GALNT8: variants seen among roughly 807,000 people sequenced by gnomAD.
GALNT8 encodes the protein polypeptide N-acetylgalactosaminyltransferase 8, also known as probable polypeptide N-acetylgalactosaminyltransferase 8.
Under a neutral mutation model 62.7 loss-of-function variants are expected in GALNT8, and 66 were observed. The observed-to-expected ratio is 1.05, with a 90% CI of 0.86 to 1.29. The LOEUF is 1.29. GALNT8 is among the 50% of genes most tolerant of loss of function. The probability of loss-of-function intolerance (pLI) is 0.00; values close to 1 mark genes in which losing one functional copy is unlikely to be tolerated. For synonymous variants in GALNT8, 288 were observed against 294.3 expected (o/e 0.98, Z 0.22); for missense variants, 771 against 791.8 (o/e 0.97, Z 0.32).
At chr12:4,731,116 G>A (rs1479702116) in intron 2 of GALNT8, among the ~76,000 whole-genome samples, 8 of 152,096 alleles carry the variant, frequency 5.3e-5, no homozygotes, top group South Asian at 2.1e-4. Context: ...GATTACAAGC[G>A]TGAGCCACCG....
chr12:4,772,433 C>T lies in GALNT8; in HGVS notation c.1762-12C>T, dbSNP rs1414299361. ...ATTTCAGCACCTTGGCTCTGTCTCTCTTCCCCTCCAGGGAGGAGCTGTCAT... is the reference window on the plus strand; with the variant it reads ...ATTTCAGCACCTTGGCTCTGTCTCTTTTCCCCTCCAGGGAGGAGCTGTCAT... On this transcript the variant is annotated splice_polypyrimidine_tract_variant and intron_variant, in intron 10 of 10. Coordinates refer to ENST00000252318, the MANE Select transcript of GALNT8 (RefSeq NM_017417.2). 3 of 1,612,102 alleles carry T rather than the reference C, an allele frequency of 1.9e-6. No homozygotes were observed. The highest frequency in any genetic ancestry group is 1.3e-5 in the African/African-American group (1 of 74,912).
intron 6 of GALNT8, among the ~76,000 whole-genome samples, chr12:4,751,435 A>G (rs113440709): frequency 1.2e-4 from 19 of 152,178 alleles, no homozygotes; most frequent in African/African-American, 4.1e-4. Context: ...GCTATATTCC[A>G]TAGGTTTTGG....
At chr12:4,727,963 A>G (rs1946204048) in intron 2 of GALNT8, among the ~76,000 whole-genome samples, 1 of 152,308 alleles carries the variant, frequency 6.6e-6, no homozygotes, top group South Asian at 2.1e-4. Context: ...AAGTGACTCC[A>G]TCATTTAACA....
At chr12:4,724,234 C>T (rs1946184666) in intron 1 of GALNT8, among the ~76,000 whole-genome samples, 1 of 143,632 alleles carries the variant, frequency 7.0e-6, no homozygotes, top group Admixed American at 7.0e-5. Flanking sequence ...CAAATGCAAA[C>T]AATAATAATT....
At position 4,772,628 on chromosome 12, in the gene GALNT8, A is replaced by G. The variant is rs71579272; in HGVS notation, c.*31A>G. The G allele has an allele frequency of 6.3e-4, 985 of 1,565,194 alleles. 7 individuals carry two copies. The African/African-American group carries it at 0.011, about 18-fold the overall frequency. ...AGATGGTGCTGGATCTGGGTCATCAATTCTTGCAAGTGGAATGGCTTCTAC... is the reference window on the plus strand; with the variant it reads ...AGATGGTGCTGGATCTGGGTCATCAGTTCTTGCAAGTGGAATGGCTTCTAC... On this transcript the variant is annotated 3_prime_UTR_variant, in exon 11 of 11. Transcript: ENST00000252318.
rs1295705057 is a variant in GALNT8, at chr12:4,772,701, T to C, written c.*104T>C. Reference sequence around the variant, plus strand: ...CTCAATGAGAAAGAAAGCATGTGTATGTCTGTTTATGGCGACTTCAGGTGG... The same window carrying C: ...CTCAATGAGAAAGAAAGCATGTGTACGTCTGTTTATGGCGACTTCAGGTGG... On this transcript the variant is annotated 3_prime_UTR_variant, in exon 11 of 11. Coordinates refer to ENST00000252318, the MANE Select transcript of GALNT8 (RefSeq NM_017417.2). 2.2e-6 allele frequency: 2 copies of C among 907,996 alleles called. No individual in the cohort carries two copies. Among genetic ancestry groups the C allele is most frequent in the Non-Finnish European group, 3.4e-6 (2 of 588,940 alleles). 56.2% of individuals were successfully genotyped at this position (907,996 alleles called of 1,614,324 possible). A position where few individuals can be genotyped will look rare whatever the true frequency, so the allele number is the denominator to read the frequency against.
At chr12:4,729,617 T>C (rs545636548) in intron 2 of GALNT8, among the ~76,000 whole-genome samples, 1 of 152,148 alleles carries the variant, frequency 6.6e-6, no homozygotes, top group East Asian at 1.9e-4. Context: ...AATTTCCTTC[T>C]TTTTTTGTGG....
chr12:4,764,647 C>T (rs1293053148), intron 9 of GALNT8, among the ~76,000 whole-genome samples: 2 of 148,664 alleles, frequency 1.3e-5, no homozygotes, highest in Non-Finnish European at 3.0e-5. Context: ...GGGTTCACGG[C>T]ATTCTCCTGC....
In GALNT8 at chr12:4,749,566, G is replaced by A. The variant is rs1406958763; in HGVS notation, c.1173+3308G>A. 6.6e-6 allele frequency among the ~76,000 whole-genome samples: 1 copy of A among 151,080 alleles called. No individual in the cohort carries two copies. Among genetic ancestry groups the A allele is most frequent in the Non-Finnish European group, 1.5e-5 (1 of 67,786 alleles). On this transcript the variant is annotated intron_variant, in intron 6 of 10. Coordinates refer to ENST00000252318, the MANE Select transcript of GALNT8 (RefSeq NM_017417.2). This position sits in a 1 kb window ranked among gnomAD's most constrained non-coding sequence, Gnocchi z 4.1. Reference sequence around the variant, plus strand: ...GTCAAATTCAGTTTGCTAATATTTTGTTGAGGATTTTTGTGCCAATATTCA... The same window carrying A: ...GTCAAATTCAGTTTGCTAATATTTTATTGAGGATTTTTGTGCCAATATTCA...
intron 6 of GALNT8, among the ~76,000 whole-genome samples, chr12:4,758,631 TGTGTGTGAGAGA>T (rs755030377): frequency 0.16 from 14,335 of 91,078 alleles, 794 homozygotes; most frequent in Non-Finnish European, 0.23. Context: ...TGTGTGTGTG[TGTGTGTGAGAGA>T]GAGAGAGAGA....
At chr12:4,734,437 G>C (rs1422533546) in intron 2 of GALNT8, among the ~76,000 whole-genome samples, 1 of 152,142 alleles carries the variant, frequency 6.6e-6, no homozygotes, top group Non-Finnish European at 1.5e-5. Flanking sequence ...TGCGGGTATT[G>C]CTAGAATCTG....
intron 2 of GALNT8, among the ~76,000 whole-genome samples, chr12:4,729,973 G>GT (rs1228331531): frequency 6.6e-6 from 1 of 152,002 alleles, no homozygotes; most frequent in Non-Finnish European, 1.5e-5. Context: ...TTCCCTGATG[G>GT]TTAATATATG....
chr12:4,766,172 G>A (rs1272899160), intron 10 of GALNT8, among the ~76,000 whole-genome samples: 1 of 151,472 alleles, frequency 6.6e-6, no homozygotes, highest in East Asian at 2.0e-4. Context: ...GGAAAATATT[G>A]GAAACAGGGA....
At chr12:4,736,833 A>T (rs1258315992) in intron 2 of GALNT8, among the ~76,000 whole-genome samples, 34 of 152,190 alleles carry the variant, frequency 2.2e-4, no homozygotes, top group Non-Finnish European at 4.4e-5. Context: ...AAAGGGTAAT[A>T]ACTCGTGCAC....
At chr12:4,753,899 C>A (rs956185171) in intron 6 of GALNT8, among the ~76,000 whole-genome samples, 9 of 152,172 alleles carry the variant, frequency 5.9e-5, no homozygotes, top group African/African-American at 2.2e-4. Context: ...TTAGGGGGCA[C>A]CCCAAGCCCA....
chr12:4,721,578 A>C (rs1028580038), intron 1 of GALNT8, among the ~76,000 whole-genome samples: 4 of 152,204 alleles, frequency 2.6e-5, no homozygotes, highest in African/African-American at 9.7e-5. Context: ...CAATGCCTTA[A>C]ACAGCAGTAT....
chr12:4,761,063 C>G lies in GALNT8; in HGVS notation c.1279C>G (p.Arg427Gly), dbSNP rs142857763. Reference protein sequence around the residue: ...YALDLTAALKRNALRVAEIWM... With the variant: ...YALDLTAALKGNALRVAEIWM... ...CTTGGATCTCACCGCTGCCTTGAAGCGCAATGCTCTGCGAGTGGCCGAAAT... is the reference window on the plus strand; with the variant it reads ...CTTGGATCTCACCGCTGCCTTGAAGGGCAATGCTCTGCGAGTGGCCGAAAT... The change falls in exon 7 of 11, where the codon CGC (arginine) becomes GGC (glycine). Residue 427 changes from arginine (R) to glycine (G), a missense_variant. By Grantham distance (125) the Arg-to-Gly change is moderately radical. Coordinates refer to ENST00000252318, the MANE Select transcript of GALNT8 (RefSeq NM_017417.2). 26 of 1,613,854 alleles carry G rather than the reference C, an allele frequency of 1.6e-5. No individual in the cohort carries two copies. The highest frequency in any genetic ancestry group is 1.6e-4 in the Middle Eastern group (1 of 6,084).
At chr12:4,745,365 A>G (rs1179544926) in intron 4 of GALNT8, 64 bp from the exon 5 acceptor site, 13 of 1,033,640 alleles carry the variant, frequency 1.3e-5, no homozygotes, top group Admixed American at 6.9e-5. Flanking sequence ...GAACAGCTTT[A>G]TCTGCTCTCC....
intron 2 of GALNT8, among the ~76,000 whole-genome samples, chr12:4,737,779 T>C (rs1946252398): frequency 1.3e-5 from 2 of 152,218 alleles, no homozygotes; most frequent in South Asian, 4.1e-4. Flanking sequence ...GGGTTTGTTA[T>C]CATGGGACTG....
Sources: gnomAD v4.1 joint callset for allele counts (sites outside exome capture counted in the v4.1 genomes callset) on GRCh38, gnomAD v4.1.1 for gene constraint, Gnocchi (gnomAD v3.1) non-coding constraint, MANE v1.5 for transcripts, NCBI Gene and HGNC (gene_info 2026-07-23, HGNC 2026-07-21) for gene names.